The following MACROD2 variants were observed in gnomAD, a reference collection of about 807,000 sequenced individuals.
MACROD2 encodes mono-ADP ribosylhydrolase 2, also known as ADP-ribose glycohydrolase MACROD2.
Under a neutral mutation model 70.4 loss-of-function variants are expected in MACROD2, and 36 were observed. The ratio of observed to expected loss-of-function variants is 0.51; its 90% CI spans 0.39 to 0.68. MACROD2 has a LOEUF of 0.68. MACROD2 is among the 30% of genes least tolerant of loss of function. The pLI, the probability that MACROD2 is intolerant of heterozygous loss-of-function variation, is 0.00. For synonymous variants in MACROD2, 172 were observed against 178.8 expected, an observed-to-expected ratio of 0.96 and a Z score of 0.30; for missense variants, 496 against 538.4, an observed-to-expected ratio of 0.92 and a Z score of 0.78.
intron 8 of MACROD2, among the ~76,000 whole-genome samples, chr20:15,680,542 C>T (rs1472672455): frequency 1.3e-5 from 2 of 152,208 alleles, no homozygotes; most frequent in African/African-American, 2.4e-5. Context: ...CTGAATTACA[C>T]TGTTGTGTAA....
At chr20:14,158,203 C>T (rs2148715487) in intron 3 of MACROD2, among the ~76,000 whole-genome samples, 2 of 152,132 alleles carry the variant, frequency 1.3e-5, no homozygotes, top group Middle Eastern at 6.8e-3. Flanking sequence ...TTTTCATATA[C>T]TTGTTGGTCA....
intron 3 of MACROD2, among the ~76,000 whole-genome samples, chr20:14,352,830 A>G (rs945351058): frequency 6.6e-6 from 1 of 152,004 alleles, no homozygotes; most frequent in Non-Finnish European, 1.5e-5. Context: ...TAATAGAACA[A>G]CAATGCACCA....
At chr20:14,843,889 G>A (rs141878586) in intron 5 of MACROD2, among the ~76,000 whole-genome samples, 1 of 152,120 alleles carries the variant, frequency 6.6e-6, no homozygotes, top group African/African-American at 2.4e-5. Context: ...ATGGCCCTAT[G>A]TTCTGATGCT....
chr20:14,121,192 A>G lies in MACROD2; in HGVS notation c.271+35464A>G, dbSNP rs2054584638. Among the ~76,000 whole-genome samples the G allele has an allele frequency of 4.6e-5, 7 of 152,288 alleles. No individual in the cohort carries two copies. The South Asian group carries it at 1.4e-3, about 32-fold the overall frequency. ...TGTCAGGGGTGCATAGTCATTGTGT[A>G]TAGATTAGGAGGTAGAAAGTGATCC... On this transcript the variant is annotated intron_variant, in intron 3 of 17. Transcript: ENST00000684519.
intron 8 of MACROD2, among the ~76,000 whole-genome samples, chr20:15,512,582 TC>T (rs1458390269): frequency 6.6e-6 from 1 of 152,202 alleles, no homozygotes; most frequent in Admixed American, 6.5e-5. Context: ...TACTCAGTCA[TC>T]TGAAGCAAAT....
At position 14,011,765 on chromosome 20, in the gene MACROD2, G is replaced by A. The variant is rs566234987; in HGVS notation, c.163+9361G>A. Among the ~76,000 whole-genome samples the A allele has an allele frequency of 5.3e-5, 8 of 152,186 alleles. No homozygotes were observed. In the South Asian group the frequency reaches 6.2e-4, roughly 12 times the overall value. On this transcript the variant is annotated intron_variant, in intron 2 of 17. Coordinates refer to ENST00000684519, the MANE Select transcript of MACROD2 (RefSeq NM_001351661.2). ...AGGATGGTCTTGATCTCCTGACCTC[G>A]TGATCTGCCTACCTCGGCCTCCCAA...
At position 15,000,913 on chromosome 20, in the gene MACROD2, G is replaced by A. The variant is rs1219602547; in HGVS notation, c.419-229027G>A. ...TCATTAATAAAAATATTTTGATTTTGGCTGTATTTTGATTGCAAATCTGTG... is the reference window on the plus strand; with the variant it reads ...TCATTAATAAAAATATTTTGATTTTAGCTGTATTTTGATTGCAAATCTGTG... On this transcript the variant is annotated intron_variant, in intron 5 of 17. Transcript: ENST00000684519. Among the ~76,000 whole-genome samples, 6 of 151,752 alleles carry A rather than the reference G, an allele frequency of 4.0e-5. No homozygotes were observed. The East Asian group carries it at 1.2e-3, about 29-fold the overall frequency.
At chr20:14,547,708 TA>T (rs1366915545) in intron 4 of MACROD2, 1 of 152,280 alleles carries the variant, frequency 6.6e-6, no homozygotes, top group Non-Finnish European at 1.5e-5. Flanking sequence ...CTTGGTGGCT[TA>T]AAACAACTTA....
intron 7 of MACROD2, among the ~76,000 whole-genome samples, chr20:15,442,696 A>C (rs1182293356): frequency 6.6e-6 from 1 of 152,166 alleles, no homozygotes; most frequent in African/African-American, 2.4e-5. Flanking sequence ...CATGGAAAGA[A>C]GGGAATATCA....
At chr20:15,964,933 C>T (rs982590027) in intron 12 of MACROD2, among the ~76,000 whole-genome samples, 10 of 152,156 alleles carry the variant, frequency 6.6e-5, no homozygotes, top group African/African-American at 2.2e-4. Context: ...GTTTCACATA[C>T]GTGACAGTGA....
intron 8 of MACROD2, among the ~76,000 whole-genome samples, chr20:15,697,353 T>C (rs1600773402): frequency 6.6e-6 from 1 of 152,228 alleles, no homozygotes; most frequent in Admixed American, 6.5e-5. Context: ...TCCATGTATT[T>C]GCATGGTTTT....
intron 3 of MACROD2, among the ~76,000 whole-genome samples, chr20:14,213,386 AG>A (rs2081587210): frequency 6.8e-6 from 1 of 146,226 alleles, no homozygotes; most frequent in Non-Finnish European, 1.5e-5. Flanking sequence ...AAAAAAAAAA[AG>A]GCCAATTATA....
At chr20:14,393,862 G>A (rs577174769) in intron 3 of MACROD2, among the ~76,000 whole-genome samples, 3 of 152,266 alleles carry the variant, frequency 2.0e-5, no homozygotes, top group Admixed American at 1.3e-4. Context: ...TGCGGGTGGA[G>A]CCCTATGTTA....
At chr20:15,530,716 C>CAAA (rs57826871) in intron 8 of MACROD2, among the ~76,000 whole-genome samples, 12,652 of 90,402 alleles carry the variant, frequency 0.14, 832 homozygotes, top group Non-Finnish European at 0.21. Flanking sequence ...CTCCATCTCA[C>CAAA]AAAAAAAAAA....
chr20:14,505,162 G>T (rs1486440975), intron 4 of MACROD2, among the ~76,000 whole-genome samples: 1 of 152,160 alleles, frequency 6.6e-6, no homozygotes, highest in South Asian at 2.1e-4. Context: ...AGGAACATAT[G>T]TACCAGTTAT....
At chr20:15,974,516 G>T (rs2066276376) in intron 13 of MACROD2, among the ~76,000 whole-genome samples, 1 of 152,118 alleles carries the variant, frequency 6.6e-6, no homozygotes, top group African/African-American at 2.4e-5. Context: ...GGAGTTGTGG[G>T]GGTGGGGAGG....
At chr20:14,404,658 A>G (rs2083674354) in intron 3 of MACROD2, among the ~76,000 whole-genome samples, 1 of 152,140 alleles carries the variant, frequency 6.6e-6, no homozygotes, top group Non-Finnish European at 1.5e-5. Flanking sequence ...GCACATCACC[A>G]AAGGCAGAGA....
chr20:15,063,544 G>T (rs1288519783), intron 5 of MACROD2, among the ~76,000 whole-genome samples: 1 of 151,942 alleles, frequency 6.6e-6, no homozygotes, highest in Non-Finnish European at 1.5e-5. Context: ...CGTTCCTCTG[G>T]GTACATCATG....
At chr20:15,497,153 T>G (rs547193261) in intron 7 of MACROD2, among the ~76,000 whole-genome samples, 6 of 152,306 alleles carry the variant, frequency 3.9e-5, no homozygotes, top group African/African-American at 1.4e-4. Context: ...TAGGAGCATG[T>G]ATTGCATTGC....
Sources: gnomAD v4.1 joint callset for allele counts (sites outside exome capture counted in the v4.1 genomes callset) on GRCh38, gnomAD v4.1.1 for gene constraint, MANE v1.5 for transcripts, NCBI Gene and HGNC (gene_info 2026-07-23, HGNC 2026-07-21) for gene names.